Variants in LHFPL2 observed in about 807,000 individuals in gnomAD.
The protein encoded by LHFPL2 is LHFPL tetraspan subfamily member 2, also known as LHFPL tetraspan subfamily member 2 protein.
Under a neutral mutation model 17.5 loss-of-function variants are expected in LHFPL2, and 7 were observed. That is an observed-to-expected ratio of 0.40 (90% CI 0.23 to 0.75). The LOEUF (loss-of-function observed/expected upper bound fraction) is 0.75. Ranked by LOEUF, LHFPL2 falls within the 30% of genes least tolerant of loss-of-function variation. The pLI is 0.37. For missense variants in LHFPL2, 241 were observed against 294.8 expected (o/e 0.82, Z 1.34); for synonymous variants, 134 against 116.2 (o/e 1.15, Z -0.99).
chr5:78,529,487 T>G (rs1755715805), intron 3 of LHFPL2, among the ~76,000 whole-genome samples: 2 of 152,160 alleles, frequency 1.3e-5, no homozygotes, highest in African/African-American at 2.4e-5. Context: ...GGAAAGCATT[T>G]TGCAGCCTAG....
At chr5:78,516,766 G>C (rs955008173) in intron 3 of LHFPL2, among the ~76,000 whole-genome samples, 7 of 152,172 alleles carry the variant, frequency 4.6e-5, no homozygotes, top group Admixed American at 1.3e-4. Context: ...GGATGATAGG[G>C]ACTGGGGCCC....
intron 4 of LHFPL2, among the ~76,000 whole-genome samples, chr5:78,492,672 G>C (rs16875505): frequency 6.6e-6 from 1 of 152,082 alleles, no homozygotes; most frequent in African/African-American, 2.4e-5. Context: ...AAGTAAAGCA[G>C]GGAGACTCTT....
chr5:78,628,435 G>A (rs1745133548), intron 2 of LHFPL2, among the ~76,000 whole-genome samples: 1 of 152,164 alleles, frequency 6.6e-6, no homozygotes, highest in Admixed American at 6.5e-5. Context: ...TTCCCCCAGG[G>A]TGGGGTCACA....
chr5:78,631,274 G>A (rs1292546756), intron 2 of LHFPL2, among the ~76,000 whole-genome samples: 3 of 152,180 alleles, frequency 2.0e-5, no homozygotes, highest in African/African-American at 2.4e-5. Flanking sequence ...AGGGTTGCCT[G>A]GGGCTTCCAG....
intron 3 of LHFPL2, among the ~76,000 whole-genome samples, chr5:78,549,812 A>G (rs1756388768): frequency 6.6e-6 from 1 of 152,210 alleles, no homozygotes; most frequent in South Asian, 2.1e-4. Flanking sequence ...ATACCTTCCA[A>G]TATGTGGAAG....
At chr5:78,510,954 C>T (rs764248013) in intron 3 of LHFPL2, among the ~76,000 whole-genome samples, 7 of 151,024 alleles carry the variant, frequency 4.6e-5, no homozygotes, top group Non-Finnish European at 8.9e-5. Flanking sequence ...AAATTACTAG[C>T]AGAGACATAA....
intron 4 of LHFPL2, among the ~76,000 whole-genome samples, chr5:78,501,235 T>G (rs1754763095): frequency 6.6e-6 from 1 of 152,210 alleles, no homozygotes; most frequent in Non-Finnish European, 1.5e-5. Context: ...CATAAAAGAA[T>G]ATTTTAATAC....
chr5:78,506,150 T>C (rs1277518695), intron 4 of LHFPL2, among the ~76,000 whole-genome samples: 1 of 152,264 alleles, frequency 6.6e-6, no homozygotes, highest in East Asian at 1.9e-4. Context: ...GGATTTCCAT[T>C]GAAGTAGCAG....
At chr5:78,489,274 G>A (rs915723145) in intron 4 of LHFPL2, 121 bp from the exon 5 acceptor site, 5 of 1,070,400 alleles carry the variant, frequency 4.7e-6, no homozygotes, top group Admixed American at 4.7e-5. Flanking sequence ...GCAATAGAAA[G>A]TGTTGGGACT....
chr5:78,633,044 G>A (rs1561374445), intron 1 of LHFPL2, among the ~76,000 whole-genome samples: 1 of 152,190 alleles, frequency 6.6e-6, no homozygotes, highest in African/African-American at 2.4e-5. Context: ...GCTGCTTTAG[G>A]AGAGTTTCGA....
chr5:78,637,542 G>A (rs1033108642), intron 1 of LHFPL2, among the ~76,000 whole-genome samples: 2 of 152,186 alleles, frequency 1.3e-5, no homozygotes, highest in Non-Finnish European at 2.9e-5. Context: ...CTGAGGGCTC[G>A]CAGTCTCATC....
Position 78,515,546 on chromosome 5 carries a change from G to A in LHFPL2, c.-185-5148C>T, listed in dbSNP as rs535340924. On this transcript the variant is annotated intron_variant, in intron 3 of 4. Coordinates refer to ENST00000380345, the MANE Select transcript of LHFPL2 (RefSeq NM_005779.3). ...ATCCCCGTTTCTTCTGCAAGGATGG[G>A]AGGATTAAGAGAATTAGAATGTATG... 2.2e-4 allele frequency among the ~76,000 whole-genome samples: 34 copies of A among 152,334 alleles called. No individual in the cohort carries two copies. In the South Asian group the frequency reaches 5.0e-3, roughly 22 times the overall value.
intron 2 of LHFPL2, among the ~76,000 whole-genome samples, chr5:78,623,920 T>A (rs112101376): frequency 1.3e-5 from 2 of 152,108 alleles, no homozygotes; most frequent in African/African-American, 4.8e-5. Flanking sequence ...ACAGCCCCCA[T>A]GAGAAGTTCA....
chr5:78,601,575 T>A (rs920844986), intron 2 of LHFPL2, among the ~76,000 whole-genome samples: 2 of 152,216 alleles, frequency 1.3e-5, no homozygotes, highest in Non-Finnish European at 2.9e-5. Context: ...ATAAACCATG[T>A]CTGTGTAGCA....
chr5:78,561,473 A>G (rs1041825089), intron 3 of LHFPL2, among the ~76,000 whole-genome samples: 1 of 152,238 alleles, frequency 6.6e-6, no homozygotes, highest in Non-Finnish European at 1.5e-5. Flanking sequence ...GAACCCAGGA[A>G]GACCAACTCC....
intron 2 of LHFPL2, among the ~76,000 whole-genome samples, chr5:78,591,050 C>T (rs1303387111): frequency 2.0e-5 from 3 of 152,110 alleles, no homozygotes; most frequent in African/African-American, 7.2e-5. Context: ...AAATATTTAA[C>T]CTAGTGACAA....
Position 78,488,915 on chromosome 5 carries a change from A to G in LHFPL2, c.669T>C (p.Asn223=), listed in dbSNP as rs2241566. The change falls in exon 5 of 5, where the codon AAT becomes AAC. Residue 223 remains asparagine (N), a synonymous_variant. Coordinates refer to ENST00000380345, the MANE Select transcript of LHFPL2 (RefSeq NM_005779.3). ...KVQEEIEEGK[N]LICLL is the part of the protein sequence containing the mutation. Reference sequence around the variant, plus strand: ...TTCCAAACTAAAGGAGGCAGATCAGATTTTTCCCCTCTTCAATTTCTTCCT... The same window carrying G: ...TTCCAAACTAAAGGAGGCAGATCAGGTTTTTCCCCTCTTCAATTTCTTCCT... The G allele has an allele frequency of 0.75, 1,209,970 of 1,613,488 alleles. 457,827 individuals carry two copies. The highest frequency in any genetic ancestry group is 0.88 in the African/African-American group (65,811 of 75,038).
chr5:78,581,884 C>T (rs1361971923), intron 2 of LHFPL2, among the ~76,000 whole-genome samples: 2 of 152,188 alleles, frequency 1.3e-5, no homozygotes, highest in Non-Finnish European at 2.9e-5. Flanking sequence ...CCTCCTTGTA[C>T]CTCTGGTAGA....
intron 1 of LHFPL2, among the ~76,000 whole-genome samples, chr5:78,635,536 C>T (rs1006072346): frequency 2.0e-5 from 3 of 152,274 alleles, no homozygotes; most frequent in African/African-American, 7.2e-5. Flanking sequence ...GGCACAGTGG[C>T]TTACGCCTGT....
Sources: allele counts gnomAD v4.1 joint callset (sites outside exome capture counted in the v4.1 genomes callset), GRCh38; gene constraint gnomAD v4.1.1; transcripts MANE v1.5; gene names NCBI Gene and HGNC (gene_info 2026-07-23, HGNC 2026-07-21).